EBF2: variants seen among roughly 807,000 people sequenced by gnomAD.
The protein encoded by EBF2 is transcription factor COE2.
A neutral mutation model predicts 72.8 loss-of-function variants in EBF2; 21 were observed. That is an observed-to-expected ratio of 0.29 (90% CI 0.20 to 0.42). The LOEUF (loss-of-function observed/expected upper bound fraction) is 0.42, where lower values mean the gene tolerates loss of function less well. Among genes scored for constraint, EBF2 ranks in the 10% least tolerant of loss-of-function variants. EBF2 has a pLI of 1.00. For synonymous variants in EBF2, 299 were observed against 274.2 expected (o/e 1.09, Z -0.89); for missense variants, 637 against 731.2 (o/e 0.87, Z 1.49).
At position 25,887,917 on chromosome 8, in the gene EBF2, G is replaced by A. The variant is rs1340555058; in HGVS notation, c.807C>T (p.Ala269=). 6.2e-7 allele frequency: 1 copy of A among 1,613,806 alleles called. No individual in the cohort carries two copies. Among genetic ancestry groups the A allele is most frequent in the Admixed American group, 1.7e-5 (1 of 59,970 alleles). Residue 269 remains alanine (A), a synonymous_variant, in exon 9 of 16, where the codon GCC becomes GCT. Coordinates refer to ENST00000520164, the MANE Select transcript of EBF2 (RefSeq NM_022659.4). The part of the protein sequence containing the change: ...SPSEGWTTGG[A]MVIIIGDNFF... ...AGTTGTCCCCGATGATGATGACCAT[G>A]GCTCCTCCTGTGGTCCAGCCTTCAC...
At chr8:25,871,389 C>A (rs1563383361) in intron 10 of EBF2, among the ~76,000 whole-genome samples, 1 of 152,182 alleles carries the variant, frequency 6.6e-6, no homozygotes, top group Non-Finnish European at 1.5e-5. Flanking sequence ...GACAGGGATA[C>A]AGAGAAGTGC....
chr8:25,919,094 C>T (rs562994715), intron 6 of EBF2, among the ~76,000 whole-genome samples: 1 of 152,258 alleles, frequency 6.6e-6, no homozygotes, highest in South Asian at 2.1e-4. Flanking sequence ...TGAAGGGTCC[C>T]TCTTTCATGC....
intron 10 of EBF2, among the ~76,000 whole-genome samples, chr8:25,877,305 G>C (rs991126904): frequency 6.6e-6 from 1 of 152,132 alleles, no homozygotes; most frequent in Non-Finnish European, 1.5e-5. Context: ...AAGTCTGCGC[G>C]GAAGACAGAG....
intron 6 of EBF2, among the ~76,000 whole-genome samples, chr8:25,963,733 A>C (rs1283423975): frequency 6.6e-6 from 1 of 152,230 alleles, no homozygotes; most frequent in East Asian, 1.9e-4. Context: ...ATCAAACATC[A>C]AACAGTATGT....
At chr8:25,914,978 C>A (rs1803187101) in intron 6 of EBF2, among the ~76,000 whole-genome samples, 1 of 152,018 alleles carries the variant, frequency 6.6e-6, no homozygotes, top group Non-Finnish European at 1.5e-5. Flanking sequence ...TTCTTATTTC[C>A]AACTACACTC....
chr8:26,015,420 AC>A (rs1224048574), intron 6 of EBF2, among the ~76,000 whole-genome samples: 1 of 151,654 alleles, frequency 6.6e-6, no homozygotes, highest in Admixed American at 6.6e-5. Context: ...TCCTCTCACC[AC>A]CCCCACATTA....
intron 6 of EBF2, among the ~76,000 whole-genome samples, chr8:25,993,186 G>A (rs1367063208): frequency 6.6e-6 from 1 of 152,206 alleles, no homozygotes. Flanking sequence ...GAAGTGCCCA[G>A]AACCTTAGTT....
At chr8:25,871,342 T>C (rs1159761701) in intron 10 of EBF2, among the ~76,000 whole-genome samples, 1 of 152,094 alleles carries the variant, frequency 6.6e-6, no homozygotes, top group African/African-American at 2.4e-5. Flanking sequence ...CCACATGGAG[T>C]GCGGGGATGC....
At chr8:25,896,142 T>G (rs1189426130) in intron 7 of EBF2, among the ~76,000 whole-genome samples, 1 of 152,220 alleles carries the variant, frequency 6.6e-6, no homozygotes, top group Non-Finnish European at 1.5e-5. Flanking sequence ...GAAAAATGTG[T>G]GGAATCACCA....
chr8:25,855,531 T>C (rs565075666), intron 14 of EBF2, among the ~76,000 whole-genome samples: 1 of 152,308 alleles, frequency 6.6e-6, no homozygotes, highest in East Asian at 1.9e-4. Flanking sequence ...TTACTTAGTG[T>C]CTCTGGCAAG....
chr8:25,963,889 C>T (rs1362632750), intron 6 of EBF2, among the ~76,000 whole-genome samples: 1 of 152,174 alleles, frequency 6.6e-6, no homozygotes, highest in African/African-American at 2.4e-5. Flanking sequence ...TAGTACCCTT[C>T]TAATGGGGCT....
At chr8:25,977,441 T>A (rs1804287759) in intron 6 of EBF2, among the ~76,000 whole-genome samples, 1 of 151,988 alleles carries the variant, frequency 6.6e-6, no homozygotes, top group Non-Finnish European at 1.5e-5. Context: ...TGCAGAGGGG[T>A]GCTTGATAAA....
chr8:26,035,821 A>G (rs964398136), intron 5 of EBF2, among the ~76,000 whole-genome samples: 2 of 152,170 alleles, frequency 1.3e-5, no homozygotes, highest in African/African-American at 4.8e-5. Flanking sequence ...ATTAACACCA[A>G]TAAAAATGCA....
intron 6 of EBF2, among the ~76,000 whole-genome samples, chr8:25,951,083 T>C (rs1034723586): frequency 2.6e-5 from 4 of 152,216 alleles, no homozygotes; most frequent in Non-Finnish European, 5.9e-5. Context: ...TCCTTCTGAT[T>C]TGAAAATTAT....
At chr8:26,017,330 C>T (rs532325495) in intron 6 of EBF2, among the ~76,000 whole-genome samples, 1 of 152,256 alleles carries the variant, frequency 6.6e-6, no homozygotes, top group South Asian at 2.1e-4. Flanking sequence ...AGCAGCCTTA[C>T]AGTCGGTTTG....
chr8:25,961,154 GAC>G (rs1268610842), intron 6 of EBF2, among the ~76,000 whole-genome samples: 1 of 152,046 alleles, frequency 6.6e-6, no homozygotes, highest in East Asian at 1.9e-4. Context: ...AAACCAAAAA[GAC>G]AGTGTGTGAA....
chr8:26,022,299 A>C (rs1269209240), intron 6 of EBF2, among the ~76,000 whole-genome samples: 1 of 152,254 alleles, frequency 6.6e-6, no homozygotes, highest in Non-Finnish European at 1.5e-5. Flanking sequence ...AATGTGGGAT[A>C]ACATTTCCAG....
chr8:25,954,239 C>T (rs1184997143), intron 6 of EBF2, among the ~76,000 whole-genome samples: 1 of 152,150 alleles, frequency 6.6e-6, no homozygotes, highest in Non-Finnish European at 1.5e-5. Flanking sequence ...TATCGGGCCA[C>T]CTGGAAACCC....
At chr8:25,990,957 A>G (rs1804532795) in intron 6 of EBF2, among the ~76,000 whole-genome samples, 1 of 152,324 alleles carries the variant, frequency 6.6e-6, no homozygotes, top group Non-Finnish European at 1.5e-5. Flanking sequence ...AAACTTCTTT[A>G]TGCTCCAGTG....
Sources: gnomAD v4.1 joint callset for allele counts (sites outside exome capture counted in the v4.1 genomes callset) on GRCh38, gnomAD v4.1.1 for gene constraint, MANE v1.5 for transcripts, NCBI Gene and HGNC (gene_info 2026-07-23, HGNC 2026-07-21) for gene names.